Variants in OR2J3 observed in about 807,000 individuals in gnomAD.
OR2J3 encodes olfactory receptor family 2 subfamily J member 3.
A neutral mutation model predicts 18.5 loss-of-function variants in OR2J3; 13 were observed. That is an observed-to-expected ratio of 0.70 (90% CI 0.46 to 1.12). The LOEUF is 1.12. Among genes scored for constraint, OR2J3 ranks in the 50% most tolerant of loss-of-function variants. OR2J3 has a pLI of 0.00. For synonymous variants in OR2J3, 142 were observed against 140.6 expected, an observed-to-expected ratio of 1.01 and a Z score of -0.07; for missense variants, 321 against 371.6, an observed-to-expected ratio of 0.86 and a Z score of 1.12.
chr6:29,109,011 C>T (rs1356190440), intron 3 of OR2J3, 136 bp downstream of exon 3: 3 of 152,060 alleles, frequency 2.0e-5, no homozygotes, highest in East Asian at 1.9e-4. Flanking sequence ...AATAAATTAT[C>T]GAGGCAACTG....
intron 3 of OR2J3, among the ~76,000 whole-genome samples, chr6:29,110,265 T>C (rs1293827786): frequency 6.6e-6 from 1 of 152,246 alleles, no homozygotes; most frequent in Non-Finnish European, 1.5e-5. Context: ...TGTCTGTGTC[T>C]TCTCTACTTG....
Position 29,112,674 on chromosome 6 carries a change from T to C in OR2J3, c.784T>C (p.Tyr262His). Residue 262 changes from tyrosine (Y) to histidine (H), a missense_variant, in exon 4 of 4, where the codon TAT becomes CAT. By Grantham distance (83) the Tyr-to-His change is moderately conservative. Transcript: ENST00000641151. ...CTTTTTCATTCCGGCCATGTGCATG[T>C]ATCTCCAGCCACCATCAGGAAATTC... is the stretch of plus-strand genomic sequence containing the variant. ...SLFFIPAMCMYLQPPSGNSQD... is the reference protein window; with the variant it reads ...SLFFIPAMCMHLQPPSGNSQD... 1 of 1,614,072 alleles carries C rather than the reference T, an allele frequency of 6.2e-7. No homozygotes were observed. The highest frequency in any genetic ancestry group is 1.6e-4 in the Middle Eastern group (1 of 6,062).
intron 3 of OR2J3, among the ~76,000 whole-genome samples, chr6:29,110,521 T>C (rs1356207286): frequency 6.6e-6 from 1 of 152,156 alleles, no homozygotes; most frequent in Non-Finnish European, 1.5e-5. Context: ...AAGTTCCTTA[T>C]TTATTAACAA....
At chr6:29,109,002 A>G (rs534701138) in intron 3 of OR2J3, 127 bp downstream of exon 3, 2 of 152,314 alleles carry the variant, frequency 1.3e-5, no homozygotes, top group East Asian at 3.9e-4. Context: ...AGTTAATGTA[A>G]TAAATTATCG....
rs1562549661 is a variant in OR2J3, at chr6:29,112,712, C to A, written c.822C>A (p.Gly274=). 1 of 1,614,114 alleles carries A rather than the reference C, an allele frequency of 6.2e-7. No individual in the cohort carries two copies. Among genetic ancestry groups the A allele is most frequent in the Non-Finnish European group, 8.5e-7 (1 of 1,179,998 alleles). The part of the protein sequence containing the change: ...QPPSGNSQDQ[G]KFIALFYTVV... ...CATCAGGAAATTCTCAAGATCAAGG[C>A]AAGTTCATTGCCCTCTTTTATACTG... is the stretch of plus-strand genomic sequence containing the variant. The change falls in exon 4 of 4, where the codon GGC becomes GGA. Residue 274 remains glycine, a synonymous_variant. Transcript: ENST00000641151.
rs1762219937 is a variant in OR2J3, at chr6:29,113,273, A to G, written c.*447A>G. ...TGTCTTCTATCTTTAGTTTAGTTAA[A>G]TACACAGCAAAATACTTCAAATCCT... On this transcript the variant is annotated 3_prime_UTR_variant, in exon 4 of 4. Transcript: ENST00000641151. 1 of 160,376 alleles carries G rather than the reference A, an allele frequency of 6.2e-6. No homozygotes were observed. The allele number at this position is 160,376 out of a possible 1,614,324, so 9.9% of individuals were successfully genotyped here. A position where few individuals can be genotyped will look rare whatever the true frequency, so the allele number is the denominator to read the frequency against.
At chr6:29,111,289 A>G (rs1762117276) in intron 3 of OR2J3, among the ~76,000 whole-genome samples, 1 of 152,082 alleles carries the variant, frequency 6.6e-6, no homozygotes, top group East Asian at 1.9e-4. Flanking sequence ...ATGTGTCTTC[A>G]TTATTAGAAT....
Position 29,112,904 on chromosome 6 carries a change from A to T in OR2J3, c.*78A>T. ...TCATCCTTCTATTTATTTATCAACC[A>T]TTCTTTTATTCACTCACTCTGTTAG... On this transcript the variant is annotated 3_prime_UTR_variant, in exon 4 of 4. Coordinates refer to ENST00000641151, the MANE Select transcript of OR2J3 (RefSeq NM_001005216.4). The T allele has an allele frequency of 1.4e-6, 2 of 1,467,694 alleles. No individual in the cohort carries two copies. Among genetic ancestry groups the T allele is most frequent in the South Asian group, 2.8e-5 (2 of 71,752 alleles). The allele number at this position is 1,467,694 out of a possible 1,614,324, so 90.9% of individuals were successfully genotyped here. A position where few individuals can be genotyped will look rare whatever the true frequency, so the allele number is the denominator to read the frequency against.
Position 29,113,389 on chromosome 6 carries a change from C to G in OR2J3, c.*563C>G, listed in dbSNP as rs1240775999. The G allele has an allele frequency of 6.6e-6, 1 of 152,606 alleles. No individual in the cohort carries two copies. Among genetic ancestry groups the G allele is most frequent in the African/African-American group, 2.4e-5 (1 of 41,382 alleles). 9.5% of individuals were successfully genotyped at this position (152,606 alleles called of 1,614,324 possible). A position where few individuals can be genotyped will look rare whatever the true frequency, so the allele number is the denominator to read the frequency against. Reference sequence around the variant, plus strand: ...TTCATATCCAGTATCAATAGTAGAACAATAAGTTTTATGAATTGTAGTAAG... The same window carrying G: ...TTCATATCCAGTATCAATAGTAGAAGAATAAGTTTTATGAATTGTAGTAAG... On this transcript the variant is annotated 3_prime_UTR_variant, in exon 4 of 4. Transcript: ENST00000641151.
chr6:29,110,353 G>C (rs1235516385), intron 3 of OR2J3, among the ~76,000 whole-genome samples: 1 of 152,108 alleles, frequency 6.6e-6, no homozygotes, highest in African/African-American at 2.4e-5. Flanking sequence ...TCTAATTGAA[G>C]CTAAACATTT....
In OR2J3 at chr6:29,111,926, G is replaced by C; in HGVS notation, c.36G>C (p.Glu12Asp). The change falls in exon 4 of 4, where the codon GAG becomes GAC. Residue 12 changes from glutamate (E) to aspartate (D), a missense_variant. Glu to Asp is a conservative substitution (Grantham distance 45). Transcript: ENST00000641151. The part of the protein sequence containing the change: ...NDDGKVNASS[E>D]GYFILVGFSN... ...ATGGAAAAGTCAATGCTAGCTCTGA[G>C]GGGTACTTTATTTTAGTTGGATTTT... The C allele has an allele frequency of 6.2e-7, 1 of 1,613,624 alleles. No homozygotes were observed. Among genetic ancestry groups the C allele is most frequent in the Non-Finnish European group, 8.5e-7 (1 of 1,179,802 alleles).
In OR2J3 at chr6:29,112,435, G is replaced by A. The variant is rs761442798; in HGVS notation, c.545G>A (p.Cys182Tyr). 1.2e-6 allele frequency: 2 copies of A among 1,613,952 alleles called. No homozygotes were observed. The highest frequency in any genetic ancestry group is 1.3e-5 in the African/African-American group (1 of 74,892). ...CACCGCCAAGTAGATCACTTTTTCT[G>A]TGAAGTTCCAGCACTTCTGCGATTA... ...CGHRQVDHFF[C>Y]EVPALLRLSC... Residue 182 changes from cysteine (C) to tyrosine (Y), a missense_variant, in exon 4 of 4, where the codon TGT (cysteine) becomes TAT (tyrosine). By Grantham distance (194) the Cys-to-Tyr change is radical (BLOSUM62 -2). Transcript: ENST00000641151.
At position 29,112,350 on chromosome 6, in the gene OR2J3, A is replaced by G. The variant is rs780335093; in HGVS notation, c.460A>G (p.Ser154Gly). The G allele has an allele frequency of 6.2e-7, 1 of 1,614,076 alleles. No individual in the cohort carries two copies. Among genetic ancestry groups the G allele is most frequent in the Non-Finnish European group, 8.5e-7 (1 of 1,180,002 alleles). The change falls in exon 4 of 4, where the codon AGT becomes GGT. Residue 154 changes from serine (S) to glycine (G), a missense_variant. Physicochemically the swap from Ser to Gly is moderately conservative, Grantham distance 56. Coordinates refer to ENST00000641151, the MANE Select transcript of OR2J3 (RefSeq NM_001005216.4). ...CHLLAVASWV[S>G]GFTNSALHSS... The stretch of plus-strand genomic sequence containing the variant: ...CCTGCTGGCTGTGGCTTCTTGGGTA[A>G]GTGGTTTTACCAACTCAGCACTTCA...
intron 3 of OR2J3, among the ~76,000 whole-genome samples, chr6:29,110,095 T>C (rs939193655): frequency 6.6e-6 from 1 of 152,226 alleles, no homozygotes; most frequent in Non-Finnish European, 1.5e-5. Context: ...CTTCCTTCTC[T>C]GTTCTCTCAC....
chr6:29,110,269 C>G (rs1762075969), intron 3 of OR2J3, among the ~76,000 whole-genome samples: 1 of 152,196 alleles, frequency 6.6e-6, no homozygotes, highest in Non-Finnish European at 1.5e-5. Context: ...TGTGTCTTCT[C>G]TACTTGTATT....
intron 3 of OR2J3, among the ~76,000 whole-genome samples, chr6:29,109,184 T>C (rs557629541): frequency 5.8e-4 from 88 of 152,368 alleles, no homozygotes; most frequent in African/African-American, 2.1e-3. Context: ...TCAAGTAATC[T>C]TCATGATTTA....
rs1015854942 is a variant in OR2J3, at chr6:29,113,033, A to G, written c.*207A>G. 20 of 575,714 alleles carry G rather than the reference A, an allele frequency of 3.5e-5. No homozygotes were observed. Among genetic ancestry groups the G allele is most frequent in the East Asian group, 8.5e-5 (3 of 35,356 alleles). 35.7% of individuals were successfully genotyped at this position (575,714 alleles called of 1,614,324 possible). On this transcript the variant is annotated 3_prime_UTR_variant, in exon 4 of 4. Coordinates refer to ENST00000641151, the MANE Select transcript of OR2J3 (RefSeq NM_001005216.4). ...CCATTCACTTGTGGAGAAAACAGCTATGTAAAATCAAGATAAAACATCTAT... is the reference window on the plus strand; with the variant it reads ...CCATTCACTTGTGGAGAAAACAGCTGTGTAAAATCAAGATAAAACATCTAT...
At position 29,112,711 on chromosome 6, in the gene OR2J3, G is replaced by T; in HGVS notation, c.821G>T (p.Gly274Val). 6.2e-7 allele frequency: 1 copy of T among 1,614,064 alleles called. No homozygotes were observed. The highest frequency in any genetic ancestry group is 1.1e-5 in the South Asian group (1 of 91,088). The change falls in exon 4 of 4, where the codon GGC (glycine) becomes GTC (valine). Residue 274 changes from glycine (G) to valine (V), a missense_variant. Coordinates refer to ENST00000641151, the MANE Select transcript of OR2J3 (RefSeq NM_001005216.4). ...QPPSGNSQDQGKFIALFYTVV... is the reference protein window; with the variant it reads ...QPPSGNSQDQVKFIALFYTVV... Reference sequence around the variant, plus strand: ...CCATCAGGAAATTCTCAAGATCAAGGCAAGTTCATTGCCCTCTTTTATACT... The same window carrying T: ...CCATCAGGAAATTCTCAAGATCAAGTCAAGTTCATTGCCCTCTTTTATACT...
intron 3 of OR2J3, chr6:29,111,416 A>C (rs1762120628): frequency 6.3e-6 from 1 of 159,050 alleles, no homozygotes; most frequent in Non-Finnish European, 1.4e-5. Context: ...GTTGATCTTA[A>C]GATCAATAAA....
Sources: allele counts gnomAD v4.1 joint callset (sites outside exome capture counted in the v4.1 genomes callset), GRCh38; gene constraint gnomAD v4.1.1; transcripts MANE v1.5; gene names NCBI Gene and HGNC (gene_info 2026-07-23, HGNC 2026-07-21).